ABCA9: variants seen among roughly 807,000 people sequenced by gnomAD.
ABCA9 encodes ATP binding cassette subfamily A member 9.
In ABCA9, 183 loss-of-function variants were observed where a neutral mutation model predicts 205.3. The observed-to-expected ratio is 0.89, with a 90% CI of 0.79 to 1.01. The LOEUF (loss-of-function observed/expected upper bound fraction) is 1.01, where lower values mean the gene tolerates loss of function less well. Ranked by LOEUF, ABCA9 falls within the 50% of genes least tolerant of loss-of-function variation. The pLI is 0.00. For missense variants in ABCA9, 1,805 were observed against 1,912.4 expected (o/e 0.94, Z 1.05); for synonymous variants, 651 against 683.3 (o/e 0.95, Z 0.74).
At chr17:69,052,128 T>G (rs922512712) in intron 1 of ABCA9, among the ~76,000 whole-genome samples, 2 of 152,148 alleles carry the variant, frequency 1.3e-5, no homozygotes, top group Non-Finnish European at 2.9e-5. Context: ...CCCAGCACTT[T>G]GGGAGGCTGA....
intron 25 of ABCA9, among the ~76,000 whole-genome samples, chr17:69,000,040 G>A (rs943548322): frequency 6.6e-6 from 1 of 152,010 alleles, no homozygotes; most frequent in African/African-American, 2.4e-5. Flanking sequence ...TTTGTCAGAT[G>A]AGTAGGTTGC....
intron 17 of ABCA9, among the ~76,000 whole-genome samples, chr17:69,022,834 A>G (rs2070867553): frequency 6.6e-6 from 1 of 152,242 alleles, no homozygotes; most frequent in South Asian, 2.1e-4. Flanking sequence ...GATAAATTAA[A>G]GACTTCAATC....
intron 34 of ABCA9, 86 bp from the exon 35 acceptor site, chr17:68,984,261 G>A (rs2069160059): frequency 6.4e-7 from 1 of 1,555,312 alleles, no homozygotes. Context: ...TCGACGCAAA[G>A]ATGAAACATG....
the ABCA9 span, among the ~76,000 whole-genome samples, chr17:69,076,149 A>G: frequency 6.6e-6 from 1 of 152,046 alleles, no homozygotes; most frequent in Non-Finnish European, 1.5e-5. Flanking sequence ...AATGTTGGCT[A>G]TGGGTTTGTC....
rs953438376 is a variant in ABCA9 at position 68,986,077 on chromosome 17, T to A, written c.4208+87A>T. 4 of 1,392,038 alleles carry A rather than the reference T, an allele frequency of 2.9e-6. No homozygotes were observed. The African/African-American group carries it at 5.8e-5, about 20-fold the overall frequency. 86.2% of individuals were successfully genotyped at this position (1,392,038 alleles called of 1,614,324 possible). A position where few individuals can be genotyped will look rare whatever the true frequency, so the allele number is the denominator to read the frequency against. On this transcript the variant is annotated intron_variant, in intron 32 of 38. Transcript: ENST00000340001. ...TCTCCCACAAGCATGGGGTCATCAA[T>A]TACAACCTCCCTGTCTTCATTTTGT...
chr17:69,016,415 G>T (rs1162441606), intron 21 of ABCA9, 25 bp from the exon 22 acceptor site: 1 of 1,549,926 alleles, frequency 6.5e-7, no homozygotes, highest in Non-Finnish European at 8.7e-7. Context: ...GTACCAATTC[G>T]AAGTCTTCAT....
At position 69,002,942 on chromosome 17, in the gene ABCA9, C is replaced by A. The variant is rs370196806; in HGVS notation, c.3435+4817G>T. 6.5e-3 allele frequency among the ~76,000 whole-genome samples: 930 copies of A among 143,808 alleles called. 14 individuals carry two copies. Among genetic ancestry groups the A allele is most frequent in the African/African-American group, 0.023 (859 of 37,270 alleles). 94.3% of individuals were successfully genotyped at this position (143,808 alleles called of 152,430 possible). ...TTATCAGAGACTAGGATTGCAACCC[C>A]TGCCTTTTTTTGTTTTCCATTTGCT... On this transcript the variant is annotated intron_variant, in intron 25 of 38. Transcript: ENST00000340001.
At chr17:69,007,154 G>A (rs968093488) in intron 25 of ABCA9, among the ~76,000 whole-genome samples, 1 of 152,152 alleles carries the variant, frequency 6.6e-6, no homozygotes, top group Admixed American at 6.5e-5. Context: ...GGTGGCTCAC[G>A]CCTGTAATCC....
chr17:68,991,854 C>T (rs1330824302), intron 28 of ABCA9, among the ~76,000 whole-genome samples: 1 of 152,224 alleles, frequency 6.6e-6, no homozygotes, highest in Admixed American at 6.5e-5. Flanking sequence ...TCTTCCTTCC[C>T]GGATTGGATT....
At chr17:69,015,719 T>G (rs1008721716) in intron 22 of ABCA9, among the ~76,000 whole-genome samples, 7 of 152,160 alleles carry the variant, frequency 4.6e-5, no homozygotes, top group African/African-American at 1.7e-4. Context: ...CATTTACTTC[T>G]TAAGAAACTT....
chr17:68,983,558 T>G (rs1541470), intron 36 of ABCA9, 151 bp downstream of exon 36: 732,206 of 1,090,438 alleles, frequency 0.67, 248,927 homozygotes, highest in African/African-American at 0.73. Flanking sequence ...CCCTCTTGTG[T>G]GAGCCCTTGG....
chr17:69,045,150 T>A, intron 4 of ABCA9, 22 bp downstream of exon 4: 1 of 1,607,412 alleles, frequency 6.2e-7, no homozygotes, highest in Non-Finnish European at 8.5e-7. Context: ...CAAAAAAAAT[T>A]TTTTTCTTCT....
At chr17:68,998,577 T>C (rs8074157) in intron 25 of ABCA9, among the ~76,000 whole-genome samples, 136 of 152,216 alleles carry the variant, frequency 8.9e-4, no homozygotes, top group African/African-American at 3.2e-3. Context: ...TCTTCTATTA[T>C]ATTTTTATAC....
intron 1 of ABCA9, among the ~76,000 whole-genome samples, chr17:69,060,371 T>G (rs2072203138): frequency 6.6e-6 from 1 of 152,176 alleles, no homozygotes; most frequent in African/African-American, 2.4e-5. Context: ...TAGATCAAAA[T>G]TTTAAAATAG....
chr17:69,052,803 A>G (rs1471536261), intron 1 of ABCA9, among the ~76,000 whole-genome samples: 2 of 152,200 alleles, frequency 1.3e-5, no homozygotes, highest in African/African-American at 2.4e-5. Context: ...GGTCTTTTGT[A>G]CTTCTGACTG....
In ABCA9 at chr17:69,008,059, T is replaced by TA; in HGVS notation, c.3321+2dup. The TA allele has an allele frequency of 6.3e-7, 1 of 1,598,946 alleles. No individual in the cohort carries two copies. The highest frequency in any genetic ancestry group is 8.5e-7 in the Non-Finnish European group (1 of 1,170,942). On this transcript the variant is annotated splice_region_variant and intron_variant, in intron 24 of 38. Coordinates refer to ENST00000340001, the MANE Select transcript of ABCA9 (RefSeq NM_080283.4). ...AAACCATTTCAAAATTGCTGCCACTTACTTGAATTAACAGGTTTTGAATTA... is the reference window on the plus strand; with the variant it reads ...AAACCATTTCAAAATTGCTGCCACTTAACTTGAATTAACAGGTTTTGAATTA...
intron 17 of ABCA9, chr17:69,022,593 C>G (rs2070855350): frequency 6.6e-6 from 1 of 152,366 alleles, no homozygotes; most frequent in Non-Finnish European, 1.5e-5. Flanking sequence ...GTCTTGAACT[C>G]CTGACCTCAA....
chr17:68,977,422 T>C (rs1313818336), intron 37 of ABCA9, among the ~76,000 whole-genome samples: 1 of 152,218 alleles, frequency 6.6e-6, no homozygotes, highest in African/African-American at 2.4e-5. Flanking sequence ...GATGCAATAT[T>C]ATCTCTTCTT....
chr17:69,070,241 G>C, the ABCA9 span, among the ~76,000 whole-genome samples: 1 of 151,934 alleles, frequency 6.6e-6, no homozygotes, highest in Non-Finnish European at 1.5e-5. Context: ...AAAGATTAAA[G>C]CATAAATATA....
Sources: allele counts gnomAD v4.1 joint callset (sites outside exome capture counted in the v4.1 genomes callset), GRCh38; gene constraint gnomAD v4.1.1; transcripts MANE v1.5; gene names NCBI Gene and HGNC (gene_info 2026-07-23, HGNC 2026-07-21).